The following CYP19A1 variants were observed in gnomAD, a reference collection of about 807,000 sequenced individuals.
The protein encoded by CYP19A1 is aromatase.
Under a neutral mutation model 44.4 loss-of-function variants are expected in CYP19A1, and 32 were observed. The ratio of observed to expected loss-of-function variants is 0.72; its 90% CI spans 0.54 to 0.97. The LOEUF (loss-of-function observed/expected upper bound fraction) is 0.97. Among genes scored for constraint, CYP19A1 ranks in the 50% least tolerant of loss-of-function variants. The pLI is 0.00. For missense variants in CYP19A1, 598 were observed against 637.8 expected (o/e 0.94, Z 0.67); for synonymous variants, 212 against 215.6 (o/e 0.98, Z 0.14).
At chr15:51,230,512 G>C (rs1251893494) in intron 3 of CYP19A1, among the ~76,000 whole-genome samples, 1 of 152,156 alleles carries the variant, frequency 6.6e-6, no homozygotes, top group Non-Finnish European at 1.5e-5. Context: ...TAAGCTCTTA[G>C]GTGATGAGAA....
intron 1 of CYP19A1, chr15:51,337,816 A>G (rs1173821557): frequency 6.6e-6 from 1 of 152,340 alleles, no homozygotes; most frequent in Non-Finnish European, 1.5e-5. Context: ...GAAGATGTCT[A>G]CCTTGTAGGC....
At chr15:51,246,435 A>AG (rs1353981191) in intron 1 of CYP19A1, among the ~76,000 whole-genome samples, 1 of 152,214 alleles carries the variant, frequency 6.6e-6, no homozygotes, top group Non-Finnish European at 1.5e-5. Flanking sequence ...GGCACCAAGC[A>AG]GGGACTCTGG....
chr15:51,296,141 G>A (rs190936468), intron 1 of CYP19A1, among the ~76,000 whole-genome samples: 2 of 152,024 alleles, frequency 1.3e-5, no homozygotes, highest in Non-Finnish European at 2.9e-5. Flanking sequence ...AATAGGCAGG[G>A]ACAGCAGCAA....
intron 9 of CYP19A1, 184 bp downstream of exon 9, chr15:51,212,136 A>T: frequency 1.6e-6 from 1 of 643,444 alleles, no homozygotes; most frequent in Non-Finnish European, 2.8e-6. Flanking sequence ...AACATCCTTG[A>T]AGGCTTGAGG....
intron 1 of CYP19A1, among the ~76,000 whole-genome samples, chr15:51,327,386 C>A (rs1196097529): frequency 4.6e-5 from 7 of 152,188 alleles, no homozygotes; most frequent in Non-Finnish European, 8.8e-5. Flanking sequence ...TTGATTTCCA[C>A]AGACACTGGG....
intron 1 of CYP19A1, among the ~76,000 whole-genome samples, chr15:51,330,935 A>T (rs1412881433): frequency 6.6e-6 from 1 of 152,160 alleles, no homozygotes; most frequent in Non-Finnish European, 1.5e-5. Flanking sequence ...GTTTGGTGGG[A>T]GAAGAAGCTA....
In CYP19A1 at chr15:51,209,668, T is replaced by C. The variant is rs559731751; in HGVS notation, c.*1140A>G. 1 of 152,780 alleles carries C rather than the reference T, an allele frequency of 6.5e-6. No individual in the cohort carries two copies. The highest frequency in any genetic ancestry group is 1.5e-5 in the Non-Finnish European group (1 of 68,060). The allele number at this position is 152,780 out of a possible 1,614,324, so 9.5% of individuals were successfully genotyped here. On this transcript the variant is annotated 3_prime_UTR_variant, in exon 10 of 10. Transcript: ENST00000396402. ...AATGATTCAATGAACTAGATAATGTTAAATCTCTCAGGTAACTGTTAAATT... is the reference window on the plus strand; with the variant it reads ...AATGATTCAATGAACTAGATAATGTCAAATCTCTCAGGTAACTGTTAAATT...
At chr15:51,254,568 A>C (rs2034445891) in intron 1 of CYP19A1, among the ~76,000 whole-genome samples, 1 of 151,866 alleles carries the variant, frequency 6.6e-6, no homozygotes, top group Admixed American at 6.6e-5. Flanking sequence ...TCCATCCTTC[A>C]TATTTCTTGC....
intron 1 of CYP19A1, among the ~76,000 whole-genome samples, chr15:51,327,880 T>C (rs543219801): frequency 1.4e-5 from 2 of 146,738 alleles, no homozygotes; most frequent in East Asian, 4.3e-4. Flanking sequence ...AAATTCATAA[T>C]ATAAAAAAAA....
At chr15:51,272,650 G>A (rs1225866931) in intron 1 of CYP19A1, among the ~76,000 whole-genome samples, 1 of 152,186 alleles carries the variant, frequency 6.6e-6, no homozygotes, top group East Asian at 1.9e-4. Context: ...CATCAGAATT[G>A]CAGAGTTCCT....
At chr15:51,317,351 G>A (rs994991339) in intron 1 of CYP19A1, among the ~76,000 whole-genome samples, 7 of 152,048 alleles carry the variant, frequency 4.6e-5, no homozygotes, top group South Asian at 4.2e-4. Flanking sequence ...CCTCGTGATC[G>A]GCCTGCCTTG....
At chr15:51,268,946 G>A (rs1365547433) in intron 1 of CYP19A1, among the ~76,000 whole-genome samples, 1 of 151,968 alleles carries the variant, frequency 6.6e-6, no homozygotes, top group Non-Finnish European at 1.5e-5. Context: ...TTCTGGATTC[G>A]AGTTGTCTGA....
chr15:51,213,999 T>G (rs2031307937), intron 8 of CYP19A1, among the ~76,000 whole-genome samples: 1 of 152,222 alleles, frequency 6.6e-6, no homozygotes, highest in African/African-American at 2.4e-5. Context: ...ACTTCCCACC[T>G]GTGTGAGGCA....
At chr15:51,331,065 C>A (rs554926116) in intron 1 of CYP19A1, among the ~76,000 whole-genome samples, 30 of 152,150 alleles carry the variant, frequency 2.0e-4, no homozygotes, top group African/African-American at 4.6e-4. Flanking sequence ...TGTAAGGAGA[C>A]CCCCAGAATT....
At chr15:51,301,544 TACTGACCCCTATTTGG>T (rs2036113529) in intron 1 of CYP19A1, among the ~76,000 whole-genome samples, 1 of 152,220 alleles carries the variant, frequency 6.6e-6, no homozygotes, top group African/African-American at 2.4e-5. Context: ...GAGCCCTGCA[TACTGACCCCTATTTGG>T]GCTGACCCCC....
At chr15:51,306,052 A>C (rs1342624180) in intron 1 of CYP19A1, among the ~76,000 whole-genome samples, 1 of 152,168 alleles carries the variant, frequency 6.6e-6, no homozygotes, top group Admixed American at 6.5e-5. Context: ...ATAGTCAAGC[A>C]AAGAAAACCT....
chr15:51,302,994 C>T (rs902880267), intron 1 of CYP19A1, among the ~76,000 whole-genome samples: 1 of 152,194 alleles, frequency 6.6e-6, no homozygotes, highest in African/African-American at 2.4e-5. Context: ...TGGGAGTCTG[C>T]TTCTTCCTGA....
chr15:51,333,490 A>T (rs1043415202), intron 1 of CYP19A1, among the ~76,000 whole-genome samples: 1 of 152,144 alleles, frequency 6.6e-6, no homozygotes, highest in Non-Finnish European at 1.5e-5. Flanking sequence ...TGGTTTGGAG[A>T]CCATGTGTTT....
intron 2 of CYP19A1, among the ~76,000 whole-genome samples, chr15:51,238,629 C>T (rs1343490022): frequency 6.6e-6 from 1 of 152,180 alleles, no homozygotes; most frequent in Admixed American, 6.5e-5. Context: ...GCTGGGATTA[C>T]AGGCTTGTGC....
Sources: allele counts gnomAD v4.1 joint callset (sites outside exome capture counted in the v4.1 genomes callset), GRCh38; gene constraint gnomAD v4.1.1; transcripts MANE v1.5; gene names NCBI Gene and HGNC (gene_info 2026-07-23, HGNC 2026-07-21).